BABAM2: variants seen among roughly 807,000 people sequenced by gnomAD.
BABAM2 encodes the protein BRISC and BRCA1-A complex member 2.
In BABAM2, 31 loss-of-function variants were observed where a neutral mutation model predicts 54.7. That is an observed-to-expected ratio of 0.57 (90% CI 0.43 to 0.77). The LOEUF (loss-of-function observed/expected upper bound fraction) is 0.77, where lower values mean the gene tolerates loss of function less well. Among genes scored for constraint, BABAM2 ranks in the 30% least tolerant of loss-of-function variants. The pLI, the probability that BABAM2 is intolerant of heterozygous loss-of-function variation, is 0.00. For missense variants in BABAM2, 364 were observed against 455.8 expected, an observed-to-expected ratio of 0.80 and a Z score of 1.83; for synonymous variants, 167 against 162.9, an observed-to-expected ratio of 1.03 and a Z score of -0.19.
intron 7 of BABAM2, among the ~76,000 whole-genome samples, chr2:28,195,938 A>T (rs770026773): frequency 4.6e-5 from 7 of 152,242 alleles, no homozygotes; most frequent in Non-Finnish European, 1.0e-4. Context: ...AGCAAGGTGG[A>T]AGATGGTATG....
chr2:27,923,273 A>T (rs532280783), intron 2 of BABAM2, among the ~76,000 whole-genome samples: 1 of 152,362 alleles, frequency 6.6e-6, no homozygotes, highest in East Asian at 1.9e-4. Context: ...AAATCAGGCC[A>T]TCATAGCCAA....
chr2:27,977,468 A>G (rs981305824), intron 3 of BABAM2, among the ~76,000 whole-genome samples: 1 of 152,194 alleles, frequency 6.6e-6, no homozygotes, highest in Non-Finnish European at 1.5e-5. Context: ...TGTCCCAGTT[A>G]AGAAGAGGGA....
At chr2:28,067,076 C>T (rs957772304) in intron 6 of BABAM2, among the ~76,000 whole-genome samples, 1 of 152,316 alleles carries the variant, frequency 6.6e-6, no homozygotes, top group South Asian at 2.1e-4. Context: ...GGATTACAGG[C>T]ATGTGCCACC....
chr2:28,297,181 A>C (rs1040223659), intron 10 of BABAM2, among the ~76,000 whole-genome samples: 1 of 152,190 alleles, frequency 6.6e-6, no homozygotes, highest in Non-Finnish European at 1.5e-5. Flanking sequence ...TGTTTGAATC[A>C]TGGGACTAGA....
chr2:27,915,499 G>T (rs1008021222), intron 2 of BABAM2, among the ~76,000 whole-genome samples: 25 of 114,050 alleles, frequency 2.2e-4, no homozygotes, highest in Admixed American at 1.0e-4. Context: ...AATTTATAGT[G>T]TATAACAGTA....
At chr2:28,061,113 G>C (rs1038554702) in intron 6 of BABAM2, among the ~76,000 whole-genome samples, 1 of 152,154 alleles carries the variant, frequency 6.6e-6, no homozygotes, top group Admixed American at 6.5e-5. Flanking sequence ...ACAGTGTGAT[G>C]ATGGTCTAGA....
At chr2:28,189,712 G>A (rs1676696864) in intron 7 of BABAM2, among the ~76,000 whole-genome samples, 1 of 151,748 alleles carries the variant, frequency 6.6e-6, no homozygotes, top group Admixed American at 6.6e-5. Flanking sequence ...AGTAATCATT[G>A]ATCTATAGAT....
At chr2:27,939,194 G>A (rs1353328343) in intron 3 of BABAM2, among the ~76,000 whole-genome samples, 1 of 152,054 alleles carries the variant, frequency 6.6e-6, no homozygotes, top group Non-Finnish European at 1.5e-5. Context: ...CTAGTGATCC[G>A]CCCACCTCGG....
At chr2:27,916,283 A>G (rs1418983536) in intron 2 of BABAM2, among the ~76,000 whole-genome samples, 1 of 99,994 alleles carries the variant, frequency 1.0e-5, no homozygotes, top group Non-Finnish European at 2.1e-5. Context: ...CAGTGGCCTA[A>G]AAAGTTTACA....
chr2:28,242,011 A>G (rs1682487495), intron 9 of BABAM2, among the ~76,000 whole-genome samples: 1 of 151,950 alleles, frequency 6.6e-6, no homozygotes. Context: ...TTTGCATAGC[A>G]CTTTTCACCT....
intron 8 of BABAM2, among the ~76,000 whole-genome samples, chr2:28,239,823 T>C (rs1682247693): frequency 6.6e-6 from 1 of 152,226 alleles, no homozygotes; most frequent in South Asian, 2.1e-4. Flanking sequence ...GAAAGGTTGA[T>C]GGGAAACTAG....
intron 10 of BABAM2, among the ~76,000 whole-genome samples, chr2:28,256,005 A>G (rs1683943055): frequency 6.6e-6 from 1 of 152,134 alleles, no homozygotes. Context: ...TTTTGTGCCA[A>G]AGATTCCTTT....
At chr2:28,102,285 T>TG (rs1413161675) in intron 6 of BABAM2, among the ~76,000 whole-genome samples, 3 of 152,232 alleles carry the variant, frequency 2.0e-5, no homozygotes, top group Middle Eastern at 3.2e-3. Context: ...AGAATTGGTT[T>TG]CAGCTGTGCC....
At chr2:28,281,078 A>T (rs1208326266) in intron 10 of BABAM2, among the ~76,000 whole-genome samples, 1 of 152,068 alleles carries the variant, frequency 6.6e-6, no homozygotes, top group East Asian at 1.9e-4. Context: ...CTCTGTGTAT[A>T]TGAACTTCAA....
intron 4 of BABAM2, among the ~76,000 whole-genome samples, chr2:28,006,030 T>A (rs184060595): frequency 1.8e-4 from 27 of 152,258 alleles, no homozygotes; most frequent in African/African-American, 6.5e-4. Flanking sequence ...TTCCTAATTG[T>A]TTGAATTAAG....
chr2:28,092,460 C>T (rs1234097671), intron 6 of BABAM2, among the ~76,000 whole-genome samples: 1 of 152,008 alleles, frequency 6.6e-6, no homozygotes, highest in East Asian at 1.9e-4. Context: ...AACAGAAAAA[C>T]AATACCATTT....
intron 3 of BABAM2, among the ~76,000 whole-genome samples, chr2:27,984,345 A>G (rs1672239655): frequency 6.6e-6 from 1 of 152,140 alleles, no homozygotes. Flanking sequence ...CTTGCTGTGT[A>G]TATTTGAAAG....
chr2:28,185,763 T>C (rs1476998676), intron 7 of BABAM2, among the ~76,000 whole-genome samples: 1 of 152,112 alleles, frequency 6.6e-6, no homozygotes, highest in Admixed American at 6.5e-5. Flanking sequence ...TTGCAGAAAT[T>C]TATGAAAATT....
chr2:27,978,444 G>A (rs911056780), intron 3 of BABAM2, among the ~76,000 whole-genome samples: 7 of 152,156 alleles, frequency 4.6e-5, no homozygotes, highest in Non-Finnish European at 8.8e-5. Context: ...ATGCAAAAAT[G>A]GACGGACACA....
Sources: allele counts gnomAD v4.1 joint callset (sites outside exome capture counted in the v4.1 genomes callset), GRCh38; gene constraint gnomAD v4.1.1; transcripts MANE v1.5; gene names NCBI Gene and HGNC (gene_info 2026-07-23, HGNC 2026-07-21).